Variants in ADK observed in about 807,000 individuals in gnomAD.
ADK encodes adenosine kinase, also known as N6,N6-dimethyladenosine kinase.
Under a neutral mutation model 44.7 loss-of-function variants are expected in ADK, and 24 were observed. The observed-to-expected ratio is 0.54, with a 90% CI of 0.39 to 0.76. The LOEUF (loss-of-function observed/expected upper bound fraction) is 0.76. Among genes scored for constraint, ADK ranks in the 30% least tolerant of loss-of-function variants. ADK has a pLI of 0.00. For synonymous variants in ADK, 128 were observed against 142.6 expected (o/e 0.90, Z 0.73); for missense variants, 321 against 425.1 (o/e 0.76, Z 2.15).
chr10:74,365,855 T>A (rs569881938), intron 4 of ADK, among the ~76,000 whole-genome samples: 1 of 152,214 alleles, frequency 6.6e-6, no homozygotes, highest in Non-Finnish European at 1.5e-5. Context: ...TTTGTGTACA[T>A]CCTCACTAAC....
chr10:74,434,877 C>T lies in ADK; in HGVS notation c.555+36298C>T, dbSNP rs35681751. Among the ~76,000 whole-genome samples, 453 of 152,282 alleles carry T rather than the reference C, an allele frequency of 3.0e-3. 5 individuals carry two copies. Among genetic ancestry groups the T allele is most frequent in the Middle Eastern group, 0.017 (5 of 294 alleles). On this transcript the variant is annotated intron_variant, in intron 6 of 10. Transcript: ENST00000539909. The stretch of plus-strand genomic sequence containing the variant: ...ATCCTGGTGCACGATCATCAGATTT[C>T]TCATTGAACAGGGAATGGATGACTT...
intron 1 of ADK, among the ~76,000 whole-genome samples, chr10:74,188,762 T>TTTCA (rs1842855998): frequency 1.3e-5 from 2 of 151,986 alleles, no homozygotes; most frequent in South Asian, 2.1e-4. Flanking sequence ...GTGCATTTCA[T>TTTCA]TTCATTCATT....
At chr10:74,640,824 G>T (rs1853818136) in intron 9 of ADK, among the ~76,000 whole-genome samples, 1 of 152,224 alleles carries the variant, frequency 6.6e-6, no homozygotes, top group Non-Finnish European at 1.5e-5. Flanking sequence ...AGGTCTAGAT[G>T]TTAATGTAAT....
intron 3 of ADK, among the ~76,000 whole-genome samples, chr10:74,264,757 GT>G (rs1476970273): frequency 1.3e-5 from 2 of 152,140 alleles, no homozygotes; most frequent in Non-Finnish European, 2.9e-5. Flanking sequence ...TCATCTGGTA[GT>G]ATGTAATTTT....
At chr10:74,368,527 G>A (rs1429865112) in intron 4 of ADK, among the ~76,000 whole-genome samples, 1 of 151,928 alleles carries the variant, frequency 6.6e-6, no homozygotes, top group East Asian at 1.9e-4. Flanking sequence ...TCACACATCA[G>A]ATACTTCTAA....
At chr10:74,455,731 A>G (rs973124448) in intron 6 of ADK, among the ~76,000 whole-genome samples, 3 of 152,056 alleles carry the variant, frequency 2.0e-5, no homozygotes, top group African/African-American at 7.2e-5. Context: ...GATGGTCTTG[A>G]TCTCTTGACC....
chr10:74,345,280 T>C (rs773670998), intron 4 of ADK, among the ~76,000 whole-genome samples: 1 of 151,136 alleles, frequency 6.6e-6, no homozygotes, highest in Non-Finnish European at 1.5e-5. Flanking sequence ...TTTGTCTTTC[T>C]TGTGGGTGTT....
chr10:74,338,127 A>T (rs915327853), intron 4 of ADK, among the ~76,000 whole-genome samples: 24 of 151,988 alleles, frequency 1.6e-4, no homozygotes, highest in African/African-American at 5.3e-4. Flanking sequence ...CAACAACAAC[A>T]ACAACAACAA....
chr10:74,517,170 A>G (rs1000917852), intron 6 of ADK, among the ~76,000 whole-genome samples: 1 of 152,170 alleles, frequency 6.6e-6, no homozygotes, highest in Admixed American at 6.5e-5. Context: ...CATTCACCAC[A>G]TTCTCATCTT....
chr10:74,317,930 T>C (rs1840681067), intron 4 of ADK, among the ~76,000 whole-genome samples: 1 of 152,012 alleles, frequency 6.6e-6, no homozygotes, highest in Admixed American at 6.6e-5. Flanking sequence ...TATAGGTGTA[T>C]GCCACAAAGC....
At chr10:74,302,409 A>G (rs1840090411) in intron 3 of ADK, among the ~76,000 whole-genome samples, 1 of 151,574 alleles carries the variant, frequency 6.6e-6, no homozygotes, top group South Asian at 2.1e-4. Context: ...GGCATGAGCC[A>G]CTGCCCCCAG....
intron 9 of ADK, among the ~76,000 whole-genome samples, chr10:74,657,581 T>C (rs1308113589): frequency 2.0e-5 from 3 of 152,196 alleles, no homozygotes; most frequent in Admixed American, 2.0e-4. Flanking sequence ...AGAAAATGTA[T>C]AGTGAGTTCA....
At chr10:74,224,729 T>C in intron 3 of ADK, 138 bp downstream of exon 3, 1 of 724,434 alleles carries the variant, frequency 1.4e-6, no homozygotes, top group Non-Finnish European at 2.4e-6. Flanking sequence ...CTAACAATTA[T>C]GATAACCTAC....
intron 7 of ADK, among the ~76,000 whole-genome samples, chr10:74,574,469 A>C (rs1198335296): frequency 6.6e-6 from 1 of 152,162 alleles, no homozygotes; most frequent in Non-Finnish European, 1.5e-5. Context: ...GTGCCTGGCC[A>C]TTCTTGCTAC....
intron 6 of ADK, among the ~76,000 whole-genome samples, chr10:74,512,797 C>T (rs1848394419): frequency 6.6e-6 from 1 of 150,882 alleles, no homozygotes; most frequent in Non-Finnish European, 1.5e-5. Flanking sequence ...TCTTTCCTTC[C>T]ATTAATTTTG....
intron 9 of ADK, among the ~76,000 whole-genome samples, chr10:74,653,455 A>G (rs1032286559): frequency 2.6e-5 from 4 of 152,112 alleles, no homozygotes; most frequent in African/African-American, 7.2e-5. Flanking sequence ...CCATCTCAAA[A>G]ATAATAATAA....
intron 6 of ADK, among the ~76,000 whole-genome samples, chr10:74,399,263 A>C (rs140331208): frequency 2.6e-5 from 4 of 150,950 alleles, no homozygotes; most frequent in African/African-American, 9.7e-5. Context: ...TGAAAAAAGC[A>C]TCTCGTATGC....
Position 74,163,482 on chromosome 10 carries a change from C to T in ADK, c.65+12139C>T, listed in dbSNP as rs575536070. Among the ~76,000 whole-genome samples the T allele has an allele frequency of 2.0e-5, 3 of 152,290 alleles. No homozygotes were observed. In the South Asian group the frequency reaches 6.2e-4, roughly 32 times the overall value. On this transcript the variant is annotated intron_variant, in intron 1 of 10. Coordinates refer to ENST00000539909, the MANE Select transcript of ADK (RefSeq NM_006721.4). ...TGTTTGCAGTGTAATTAGAACTGCACAAGCATGGAAGGTCAGTAATACTGT... is the reference window on the plus strand; with the variant it reads ...TGTTTGCAGTGTAATTAGAACTGCATAAGCATGGAAGGTCAGTAATACTGT...
At chr10:74,495,448 G>T (rs186426628) in intron 6 of ADK, among the ~76,000 whole-genome samples, 25 of 152,256 alleles carry the variant, frequency 1.6e-4, no homozygotes, top group African/African-American at 5.5e-4. Context: ...TTGAGTAAAA[G>T]ACAGCTTTTT....
Sources: allele counts gnomAD v4.1 joint callset (sites outside exome capture counted in the v4.1 genomes callset), GRCh38; gene constraint gnomAD v4.1.1; transcripts MANE v1.5; gene names NCBI Gene and HGNC (gene_info 2026-07-23, HGNC 2026-07-21).